ABCA13: variants seen among roughly 807,000 people sequenced by gnomAD.
ABCA13 encodes the protein ATP-binding cassette sub-family A member 13.
ABCA13 carries 476 observed loss-of-function variants against 478.7 expected under a neutral mutation model. That is an observed-to-expected ratio of 0.99 (90% CI 0.92 to 1.07). The LOEUF is 1.07. Among genes scored for constraint, ABCA13 ranks in the 50% least tolerant of loss-of-function variants. The probability of loss-of-function intolerance (pLI) is 0.00; values close to 1 mark genes in which losing one functional copy is unlikely to be tolerated. For missense variants in ABCA13, 6,060 were observed against 5,910.6 expected (o/e 1.03, Z -0.83); for synonymous variants, 2,252 against 2,158.9 (o/e 1.04, Z -1.20).
chr7:48,281,330 T>C lies in ABCA13; in HGVS notation c.8727-13T>C, dbSNP rs1413632797. 1 of 1,579,106 alleles carries C rather than the reference T, an allele frequency of 6.3e-7. No individual in the cohort carries two copies. The highest frequency in any genetic ancestry group is 1.3e-5 in the African/African-American group (1 of 74,418). On this transcript the variant is annotated splice_polypyrimidine_tract_variant and intron_variant, in intron 18 of 61. Coordinates refer to ENST00000435803, the MANE Select transcript of ABCA13 (RefSeq NM_152701.5). Reference sequence around the variant, plus strand: ...TTACCCTTTTATGTCATTGTATATATTTTTTTGCTAAGTGTTGTTGAGATT... The same window carrying C: ...TTACCCTTTTATGTCATTGTATATACTTTTTTGCTAAGTGTTGTTGAGATT...
At chr7:48,420,790 A>C (rs2885479) in intron 41 of ABCA13, among the ~76,000 whole-genome samples, 56,851 of 150,252 alleles carry the variant, frequency 0.38, 11,387 homozygotes, top group African/African-American at 0.51. Flanking sequence ...AATTGCTGTA[A>C]AATCTTTGCC....
intron 1 of ABCA13, among the ~76,000 whole-genome samples, chr7:48,185,967 T>C (rs1481552870): frequency 1.3e-5 from 2 of 151,992 alleles, no homozygotes; most frequent in Non-Finnish European, 2.9e-5. Context: ...TATCCTTATA[T>C]ATTGATAAGA....
intron 3 of ABCA13, among the ~76,000 whole-genome samples, chr7:48,213,973 C>T (rs1433818952): frequency 1.3e-5 from 2 of 152,216 alleles, no homozygotes; most frequent in African/African-American, 4.8e-5. Context: ...CCACTGAAGT[C>T]TGGAACCCAC....
intron 48 of ABCA13, among the ~76,000 whole-genome samples, chr7:48,493,097 T>G (rs1829984070): frequency 6.6e-6 from 1 of 152,202 alleles, no homozygotes; most frequent in African/African-American, 2.4e-5. Context: ...CAGTTGATAC[T>G]TCACATTATC....
intron 26 of ABCA13, among the ~76,000 whole-genome samples, chr7:48,315,534 C>T (rs545305195): frequency 6.6e-6 from 1 of 151,220 alleles, no homozygotes; most frequent in East Asian, 2.0e-4. Flanking sequence ...GGCTGGAGTG[C>T]AGTGGCTTGA....
chr7:48,227,598 A>G (rs975310793), intron 6 of ABCA13, among the ~76,000 whole-genome samples, 173 bp downstream of exon 6: 1 of 152,174 alleles, frequency 6.6e-6, no homozygotes, highest in African/African-American at 2.4e-5. Context: ...CTGTCTGTGT[A>G]CATATTTTAT....
intron 3 of ABCA13, among the ~76,000 whole-genome samples, chr7:48,218,633 G>T (rs960471179): frequency 1.3e-5 from 2 of 152,172 alleles, no homozygotes; most frequent in African/African-American, 4.8e-5. Flanking sequence ...AGTTCTCTGG[G>T]CTCCAGACCT....
At chr7:48,551,550 A>G (rs1167661309) in intron 55 of ABCA13, among the ~76,000 whole-genome samples, 1 of 151,414 alleles carries the variant, frequency 6.6e-6, no homozygotes, top group African/African-American at 2.4e-5. Flanking sequence ...TTGATTTTAG[A>G]TTTAGACTGC....
intron 27 of ABCA13, among the ~76,000 whole-genome samples, chr7:48,322,044 T>C (rs1228493769): frequency 6.6e-6 from 1 of 152,230 alleles, no homozygotes; most frequent in Admixed American, 6.5e-5. Context: ...CTTTGTTCTC[T>C]CTTCACCATC....
At chr7:48,643,507 A>G (rs1203855083) in intron 60 of ABCA13, 114 bp downstream of exon 60, 1 of 901,690 alleles carries the variant, frequency 1.1e-6, no homozygotes, top group African/African-American at 1.7e-5. Flanking sequence ...TTGTTACCTT[A>G]GCCACATTGC....
intron 3 of ABCA13, among the ~76,000 whole-genome samples, chr7:48,206,015 G>T (rs1018978869): frequency 6.6e-6 from 1 of 152,018 alleles, no homozygotes; most frequent in Non-Finnish European, 1.5e-5. Context: ...CTCTATCCCA[G>T]CCCAACCTAC....
intron 7 of ABCA13, among the ~76,000 whole-genome samples, chr7:48,232,454 C>G (rs540106696): frequency 6.6e-6 from 1 of 151,992 alleles, no homozygotes; most frequent in African/African-American, 2.4e-5. Flanking sequence ...AACTCTCCAG[C>G]GAGTCAAAGC....
At chr7:48,199,525 T>A (rs143434813) in intron 3 of ABCA13, among the ~76,000 whole-genome samples, 37 of 152,306 alleles carry the variant, frequency 2.4e-4, no homozygotes, top group African/African-American at 8.2e-4. Context: ...TCACCTCCGC[T>A]ATATCATCTT....
intron 7 of ABCA13, among the ~76,000 whole-genome samples, chr7:48,232,139 ATTTTTTTTTTTTT>A (rs71006559): frequency 7.8e-5 from 4 of 51,318 alleles, no homozygotes; most frequent in African/African-American, 2.4e-4. Context: ...CCCACATGGA[ATTTTTTTTTTTTT>A]TTTTTTTTTT....
chr7:48,316,621 G>A (rs1484915352), intron 26 of ABCA13, among the ~76,000 whole-genome samples: 1 of 152,142 alleles, frequency 6.6e-6, no homozygotes, highest in Non-Finnish European at 1.5e-5. Flanking sequence ...TCAGACACTG[G>A]GTAATTTGTA....
At chr7:48,522,818 G>C (rs1243092349) in intron 53 of ABCA13, among the ~76,000 whole-genome samples, 1 of 152,148 alleles carries the variant, frequency 6.6e-6, no homozygotes, top group Non-Finnish European at 1.5e-5. Context: ...AAGCTTCCCA[G>C]GTAATCCTCC....
chr7:48,351,180 A>C (rs146207177), intron 30 of ABCA13, among the ~76,000 whole-genome samples: 1 of 152,228 alleles, frequency 6.6e-6, no homozygotes, highest in Non-Finnish European at 1.5e-5. Context: ...AATTTCCTGC[A>C]TCACCTTTCC....
rs1403769919 is a variant in ABCA13, at chr7:48,313,228, A to G, written c.9678A>G (p.Gln3226=). Residue 3226 remains glutamine, a synonymous_variant, in exon 25 of 62, where the codon CAA becomes CAG. Coordinates refer to ENST00000435803, the MANE Select transcript of ABCA13 (RefSeq NM_152701.5). ...CCTTGCTAGAAACCCTGGACTTTCA[A>G]CAGGTGTGTGTTTCATCTTTGTCCC... ...ITALLETLDF[Q]QVSQNVQARS... 1.6e-5 allele frequency: 26 copies of G among 1,608,726 alleles called. No individual in the cohort carries two copies. The highest frequency in any genetic ancestry group is 2.2e-5 in the Non-Finnish European group (26 of 1,177,396).
intron 1 of ABCA13, among the ~76,000 whole-genome samples, chr7:48,182,938 G>A (rs1268816181): frequency 6.6e-6 from 1 of 152,172 alleles, no homozygotes; most frequent in Non-Finnish European, 1.5e-5. Context: ...TTAACAACAA[G>A]AACTTCAAAA....
Sources: allele counts gnomAD v4.1 joint callset (sites outside exome capture counted in the v4.1 genomes callset), GRCh38; gene constraint gnomAD v4.1.1; transcripts MANE v1.5; gene names NCBI Gene and HGNC (gene_info 2026-07-23, HGNC 2026-07-21).